The following VPS35 variants were observed in gnomAD, a reference collection of about 807,000 sequenced individuals.
The protein encoded by VPS35 is vacuolar protein sorting-associated protein 35.
VPS35 carries 21 observed loss-of-function variants against 98.1 expected under a neutral mutation model. The ratio of observed to expected loss-of-function variants is 0.21; its 90% CI spans 0.15 to 0.31. VPS35 has a LOEUF of 0.31. VPS35 is among the 10% of genes least tolerant of loss of function. VPS35 has a pLI of 1.00. For synonymous variants in VPS35, 268 were observed against 318.2 expected, an observed-to-expected ratio of 0.84 and a Z score of 1.68; for missense variants, 554 against 950.8, an observed-to-expected ratio of 0.58 and a Z score of 5.49.
At chr16:46,670,190 A>C (rs1000114746) in intron 12 of VPS35, among the ~76,000 whole-genome samples, 1 of 152,236 alleles carries the variant, frequency 6.6e-6, no homozygotes, top group African/African-American at 2.4e-5. Context: ...TGGTAGATGA[A>C]TAAGAGAATG....
At chr16:46,682,836 T>C (rs1163715226) in intron 2 of VPS35, 2 of 154,098 alleles carry the variant, frequency 1.3e-5, no homozygotes, top group African/African-American at 4.8e-5. Context: ...CAGTAAGACA[T>C]TTTACAAAGG....
At chr16:46,672,930 G>A (rs1966089954) in intron 10 of VPS35, among the ~76,000 whole-genome samples, 1 of 152,176 alleles carries the variant, frequency 6.6e-6, no homozygotes, top group South Asian at 2.1e-4. Context: ...TCAGATGTTG[G>A]TGATTAAGGA....
intron 13 of VPS35, among the ~76,000 whole-genome samples, chr16:46,667,851 G>C (rs143384702): frequency 3.4e-4 from 51 of 152,162 alleles, no homozygotes; most frequent in African/African-American, 1.1e-3. Context: ...TTTATTTCTA[G>C]ACTCTCTATT....
intron 1 of VPS35, chr16:46,688,508 A>G (rs1966359957): frequency 1.0e-6 from 1 of 987,892 alleles, no homozygotes. Context: ...TGCTAAAGTA[A>G]ACAATCAGTC....
intron 11 of VPS35, 55 bp downstream of exon 11, chr16:46,672,210 A>G (rs1596717047): frequency 2.0e-6 from 3 of 1,529,662 alleles, no homozygotes; most frequent in Non-Finnish European, 2.7e-6. Context: ...ATCTAGGTCC[A>G]AAGTCTAAAA....
rs764924463 is a variant in VPS35 at position 46,672,356 on chromosome 16, T to G, written c.1277A>C (p.Glu426Ala). 1.5e-5 allele frequency: 24 copies of G among 1,613,658 alleles called. No individual in the cohort carries two copies. In the Admixed American group the frequency reaches 3.2e-4, roughly 21 times the overall value. ...LKLKHFHPLF[E>A]YFDYESRKSM... ...CTTTCTGGACTCGTAGTCAAAGTAC[T>G]CAAAGAGTGGGTGAAAATGTTTTAA... Residue 426 changes from glutamate (E) to alanine (A), a missense_variant, in exon 11 of 17, where the codon GAG (glutamate) becomes GCG (alanine). Coordinates refer to ENST00000299138, the MANE Select transcript of VPS35 (RefSeq NM_018206.6).
At chr16:46,685,018 G>A (rs1966290195) in intron 1 of VPS35, among the ~76,000 whole-genome samples, 1 of 152,198 alleles carries the variant, frequency 6.6e-6, no homozygotes, top group Admixed American at 6.5e-5. Flanking sequence ...CAGGAGAGAG[G>A]CTGAGGGGAA....
At position 46,663,045 on chromosome 16, in the gene VPS35, G is replaced by C. The variant is rs1481095698; in HGVS notation, c.1765C>G (p.Leu589Val). ...LPLRLFLQGA[L>V]AAGEIGFENH... Reference sequence around the variant, plus strand: ...TCAAAACCAATTTCCCCAGCAGCTAGTGCTCCTTGAAGAAAAAGTCTTAAG... The same window carrying C: ...TCAAAACCAATTTCCCCAGCAGCTACTGCTCCTTGAAGAAAAAGTCTTAAG... The change falls in exon 14 of 17, where the codon CTA becomes GTA. Residue 589 changes from leucine (L) to valine (V), a missense_variant. Physicochemically the swap from Leu to Val is conservative, Grantham distance 32. This residue lies in a region of VPS35 where 254 missense variants were observed against 390.1 expected (regional missense o/e 0.65). Transcript: ENST00000299138. 2 of 1,614,078 alleles carry C rather than the reference G, an allele frequency of 1.2e-6. No individual in the cohort carries two copies. Among genetic ancestry groups the C allele is most frequent in the Non-Finnish European group, 1.7e-6 (2 of 1,180,030 alleles).
In VPS35 at chr16:46,660,374, C is replaced by T; in HGVS notation, c.*98G>A. 19 of 1,494,482 alleles carry T rather than the reference C, an allele frequency of 1.3e-5. No homozygotes were observed. In the South Asian group the frequency reaches 2.2e-4, roughly 17 times the overall value. The allele number at this position is 1,494,482 out of a possible 1,614,324, so 92.6% of individuals were successfully genotyped here. A position where few individuals can be genotyped will look rare whatever the true frequency, so the allele number is the denominator to read the frequency against. On this transcript the variant is annotated 3_prime_UTR_variant, in exon 17 of 17. Transcript: ENST00000299138. ...CAGGTAAGAAATGGGAAACCTACCT[C>T]AGCATTTCTGAAAGGCACAATCTAT...
In VPS35 at chr16:46,671,925, A is replaced by C. The variant is rs116572885; in HGVS notation, c.1369-65T>G. On this transcript the variant is annotated intron_variant, in intron 11 of 16. Transcript: ENST00000299138. The stretch of plus-strand genomic sequence containing the variant: ...CCATTGGCATACAAAGCCATTATCA[A>C]AAGTGTTTCCAGTTATAAAATTACA... The C allele has an allele frequency of 1.2e-4, 184 of 1,598,742 alleles. No individual in the cohort carries two copies. The African/African-American group carries it at 2.2e-3, about 19-fold the overall frequency.
chr16:46,686,234 A>C (rs1966312111), intron 1 of VPS35, among the ~76,000 whole-genome samples: 1 of 152,162 alleles, frequency 6.6e-6, no homozygotes, highest in South Asian at 2.1e-4. Flanking sequence ...TTAAAAACGA[A>C]GTATTTCATT....
At chr16:46,662,756 T>G (rs1399107435) in intron 14 of VPS35, among the ~76,000 whole-genome samples, 1 of 152,226 alleles carries the variant, frequency 6.6e-6, no homozygotes, top group Non-Finnish European at 1.5e-5. Flanking sequence ...TTATGTTCCA[T>G]GAAACATTTT....
chr16:46,671,260 G>C (rs552717173), intron 12 of VPS35, among the ~76,000 whole-genome samples: 4 of 151,948 alleles, frequency 2.6e-5, no homozygotes, highest in African/African-American at 9.7e-5. Context: ...TATAAGAATT[G>C]TATTTCTTAT....
In VPS35 at chr16:46,661,019, C is replaced by T. The variant is rs905889355; in HGVS notation, c.2212-368G>A. ...AAAATTAGCTGGGCGTGGTGCCGGG[C>T]GCCTATAATACCAGCTATTCAGGAG... On this transcript the variant is annotated intron_variant, in intron 16 of 16. Transcript: ENST00000299138. This position sits in a 1 kb window ranked among gnomAD's most constrained non-coding sequence, Gnocchi z 4.3. The T allele has an allele frequency of 3.7e-5, 13 of 354,904 alleles. No homozygotes were observed. The highest frequency in any genetic ancestry group is 1.5e-4 in the East Asian group (2 of 13,690). 22.0% of individuals were successfully genotyped at this position (354,904 alleles called of 1,614,324 possible). A position where few individuals can be genotyped will look rare whatever the true frequency, so the allele number is the denominator to read the frequency against.
At chr16:46,677,423 G>T in intron 6 of VPS35, 25 bp from the exon 7 acceptor site, 7 of 1,591,372 alleles carry the variant, frequency 4.4e-6, no homozygotes, top group Non-Finnish European at 6.0e-6. Flanking sequence ...ACACACATAA[G>T]GGTTAAAATC....
Position 46,663,179 on chromosome 16 carries a change from C to T in VPS35, c.1648-17G>A. The T allele has an allele frequency of 2.5e-6, 4 of 1,608,262 alleles. No homozygotes were observed. Among genetic ancestry groups the T allele is most frequent in the Non-Finnish European group, 3.4e-6 (4 of 1,175,886 alleles). On this transcript the variant is annotated splice_polypyrimidine_tract_variant and intron_variant, in intron 13 of 16. Coordinates refer to ENST00000299138, the MANE Select transcript of VPS35 (RefSeq NM_018206.6). ...TTTGTCATCCTAAAACAAGAAAAAA[C>T]ATTTTAAGTTACCTTAAATTCAAAA... is the stretch of plus-strand genomic sequence containing the variant.
chr16:46,677,670 G>C, intron 6 of VPS35: 1 of 430,974 alleles, frequency 2.3e-6, no homozygotes, highest in Non-Finnish European at 4.3e-6. Flanking sequence ...CTGAGTGCTG[G>C]GACTACAGGT....
intron 1 of VPS35, among the ~76,000 whole-genome samples, chr16:46,687,683 G>A (rs1418474503): frequency 2.0e-5 from 3 of 152,168 alleles, no homozygotes; most frequent in Non-Finnish European, 4.4e-5. Context: ...TGACACTGAA[G>A]GCACACAAGA....
Position 46,660,641 on chromosome 16 carries a change from T to A in VPS35, c.2222A>T (p.Gln741Leu), listed in dbSNP as rs547805228. ...CTTTTGGATAAGCTGGTTTAAAACC[T>A]GAATTGTTACCTACAAAAGAATATG... ...YEKENDAVTI[Q>L]VLNQLIQKIR... Residue 741 changes from glutamine to leucine, a missense_variant, in exon 17 of 17, where the codon CAG (glutamine) becomes CTG (leucine). Physicochemically the swap from Gln to Leu is moderately radical, Grantham distance 113. Coordinates refer to ENST00000299138, the MANE Select transcript of VPS35 (RefSeq NM_018206.6). 6.2e-7 allele frequency: 1 copy of A among 1,613,622 alleles called. No individual in the cohort carries two copies. Among genetic ancestry groups the A allele is most frequent in the Non-Finnish European group, 8.5e-7 (1 of 1,179,932 alleles).
Sources: allele counts gnomAD v4.1 joint callset (sites outside exome capture counted in the v4.1 genomes callset), GRCh38; gene constraint gnomAD v4.1.1; regional missense constraint gnomAD v4.1.1; non-coding constraint Gnocchi (gnomAD v3.1); transcripts MANE v1.5; gene names NCBI Gene and HGNC (gene_info 2026-07-23, HGNC 2026-07-21).